The following LPIN1 variants were observed in gnomAD, a reference collection of about 807,000 sequenced individuals.
LPIN1 encodes the protein phosphatidate phosphatase LPIN1.
LPIN1 carries 71 observed loss-of-function variants against 107.5 expected under a neutral mutation model. The observed-to-expected ratio is 0.66, with a 90% CI of 0.55 to 0.80. The LOEUF (loss-of-function observed/expected upper bound fraction) is 0.80. Ranked by LOEUF, LPIN1 falls within the 30% of genes least tolerant of loss-of-function variation. The pLI is 0.00. For missense variants in LPIN1, 1,043 were observed against 1,160.6 expected, an observed-to-expected ratio of 0.90 and a Z score of 1.47; for synonymous variants, 445 against 452.6, an observed-to-expected ratio of 0.98 and a Z score of 0.21.
intron 2 of LPIN1, among the ~76,000 whole-genome samples, chr2:11,767,166 C>T (rs1671048387): frequency 6.6e-6 from 1 of 152,172 alleles, no homozygotes; most frequent in African/African-American, 2.4e-5. Flanking sequence ...CATGCCCCCA[C>T]CTAATGTGGA....
chr2:11,823,926 C>A (rs1362834930), intron 20 of LPIN1, among the ~76,000 whole-genome samples: 1 of 152,128 alleles, frequency 6.6e-6, no homozygotes, highest in East Asian at 1.9e-4. Context: ...TTACAGCAAG[C>A]AGGAGAGCCC....
intron 2 of LPIN1, among the ~76,000 whole-genome samples, chr2:11,714,698 T>G (rs1228373059): frequency 6.6e-6 from 1 of 152,156 alleles, no homozygotes; most frequent in Non-Finnish European, 1.5e-5. Context: ...AGAGGGGCTG[T>G]GGAATGATCC....
At chr2:11,784,139 A>G in intron 9 of LPIN1, 1 of 810,900 alleles carries the variant, frequency 1.2e-6, no homozygotes, top group African/African-American at 1.8e-5. Context: ...TCCTCGTTCT[A>G]CTGAAAATAC....
At chr2:11,792,357 T>C in intron 13 of LPIN1, 1 of 227,058 alleles carries the variant, frequency 4.4e-6, no homozygotes, top group Non-Finnish European at 8.9e-6. Flanking sequence ...TGGAGACAAT[T>C]TTTCTTTTTC....
rs190541373 is a variant in LPIN1 at position 11,732,492 on chromosome 2, C to T, written c.-72+7953C>T. ...TTGTTTTCTGTGTGACATGTGTTTC[C>T]GCATCAGGTTGTAGAAATAATAATA... On this transcript the variant is annotated intron_variant, in intron 1 of 21. Transcript: ENST00000396097. Among the ~76,000 whole-genome samples, 509 of 152,246 alleles carry T rather than the reference C, an allele frequency of 3.3e-3. 2 individuals carry two copies. The highest frequency in any genetic ancestry group is 3.2e-3 in the Non-Finnish European group (216 of 68,030).
intron 1 of LPIN1, 25 bp downstream of exon 1, chr2:11,746,696 C>A (rs1666984254): frequency 2.0e-6 from 2 of 981,564 alleles, no homozygotes; most frequent in South Asian, 4.7e-5. Context: ...CCTCCAGCCT[C>A]CCGCTGTGGA....
intron 1 of LPIN1, chr2:11,683,177 CTG>C (rs1661815847): frequency 6.6e-6 from 1 of 152,216 alleles, no homozygotes; most frequent in African/African-American, 2.4e-5. Flanking sequence ...ACTCTGCAAA[CTG>C]TGGTGCGCCC....
At position 11,805,124 on chromosome 2, in the gene LPIN1, G is replaced by A. The variant is rs139756103; in HGVS notation, c.2217G>A (p.Gln739=). The change falls in exon 17 of 21, where the codon CAG becomes CAA. Residue 739 remains glutamine (Q), a synonymous_variant. Transcript: ENST00000674199. The stretch of plus-strand genomic sequence containing the variant: ...CCCTTGGGAAGGATTGGACCCATCA[G>A]GGCATCGCTAAGCTGTACCATAAAG... The part of the protein sequence containing the change: ...LPTLGKDWTH[Q]GIAKLYHKVS... 6 of 1,613,896 alleles carry A rather than the reference G, an allele frequency of 3.7e-6. No individual in the cohort carries two copies. In the African/African-American group the frequency reaches 6.7e-5, roughly 18 times the overall value.
intron 1 of LPIN1, among the ~76,000 whole-genome samples, chr2:11,755,384 C>T (rs1327476858): frequency 6.6e-6 from 1 of 152,074 alleles, no homozygotes; most frequent in Non-Finnish European, 1.5e-5. Flanking sequence ...GTGATGGGAC[C>T]AAAAATAAAA....
At position 11,786,077 on chromosome 2, in the gene LPIN1, G is replaced by A. The variant is rs1674525008; in HGVS notation, c.1550-997G>A. 6.6e-6 allele frequency among the ~76,000 whole-genome samples: 1 copy of A among 152,106 alleles called. No individual in the cohort carries two copies. On this transcript the variant is annotated intron_variant, in intron 10 of 20. Coordinates refer to ENST00000674199, the MANE Select transcript of LPIN1 (RefSeq NM_001349206.2). This position sits in a 1 kb window ranked among gnomAD's most constrained non-coding sequence, Gnocchi z 4.1. ...ATGAGCTGGTGGGGGTGGGGTGGCA[G>A]CACTGACAAGGCTGGGCACCGTTAT...
chr2:11,720,702 AGCCAGGTCAGCAGTGGCT>A (rs1664067295), upstream of LPIN1, among the ~76,000 whole-genome samples: 1 of 152,006 alleles, frequency 6.6e-6, no homozygotes, highest in South Asian at 2.1e-4. Flanking sequence ...GAAATGGTGG[AGCCAGGTCAGCAGTGGCT>A]GCCGACATGT....
At chr2:11,756,484 G>A (rs1388258440) in intron 1 of LPIN1, among the ~76,000 whole-genome samples, 2 of 152,094 alleles carry the variant, frequency 1.3e-5, no homozygotes, top group East Asian at 3.8e-4. Context: ...TGCCTCCTGG[G>A]TTCAAGCAAT....
intron 2 of LPIN1, among the ~76,000 whole-genome samples, chr2:11,715,030 G>A (rs1663640881): frequency 6.6e-6 from 1 of 152,246 alleles, no homozygotes; most frequent in South Asian, 2.1e-4. Flanking sequence ...CAGGGACTGG[G>A]GCCAAATGGA....
Position 11,795,390 on chromosome 2 carries a change from T to C in LPIN1, c.1807-18T>C. 2 of 1,610,182 alleles carry C rather than the reference T, an allele frequency of 1.2e-6. No homozygotes were observed. The highest frequency in any genetic ancestry group is 1.7e-5 in the Admixed American group (1 of 60,014). The stretch of plus-strand genomic sequence containing the variant: ...TCTCTGTGGTACTTCTGTGACTCTT[T>C]CTTTTCTTCTTTTCTAGGAAAGTAA... On this transcript the variant is annotated intron_variant, in intron 13 of 20. Transcript: ENST00000674199.
intron 17 of LPIN1, among the ~76,000 whole-genome samples, chr2:11,813,156 G>A (rs781578063): frequency 2.6e-5 from 4 of 152,190 alleles, no homozygotes; most frequent in Non-Finnish European, 4.4e-5. Context: ...TGGGGTCCAC[G>A]GTGAGCACGT....
intron 1 of LPIN1, among the ~76,000 whole-genome samples, chr2:11,732,254 C>T (rs543810600): frequency 2.6e-5 from 4 of 152,252 alleles, no homozygotes; most frequent in East Asian, 1.9e-4. Context: ...AATACTATTG[C>T]CATTTGTTAC....
intron 1 of LPIN1, among the ~76,000 whole-genome samples, chr2:11,705,792 A>C (rs550589921): frequency 1.8e-4 from 27 of 152,276 alleles, no homozygotes; most frequent in African/African-American, 6.3e-4. Context: ...TTTTATATTT[A>C]CTTCTAAAAG....
Position 11,771,405 on chromosome 2 carries a change from A to G in LPIN1, c.322A>G (p.Ile108Val). 6.2e-7 allele frequency: 1 copy of G among 1,614,200 alleles called. No individual in the cohort carries two copies. Among genetic ancestry groups the G allele is most frequent in the Non-Finnish European group, 8.5e-7 (1 of 1,180,024 alleles). The change falls in exon 4 of 21, where the codon ATC becomes GTC. Residue 108 changes from isoleucine (I) to valine (V), a missense_variant. Ile to Val is a conservative substitution (Grantham distance 29, BLOSUM62 3). Transcript: ENST00000674199. This position sits in a 1 kb window ranked among gnomAD's most constrained non-coding sequence, Gnocchi z 4.8. ...VIPMHLATSP[I>V]LSEGASRMEC... is the part of the protein sequence containing the mutation. ...CCCTATGCACCTGGCCACCTCCCCC[A>G]TCCTGTCAGAAGGAGCTTCGAGAAT...
At chr2:11,686,236 T>C (rs1661993110) in intron 1 of LPIN1, among the ~76,000 whole-genome samples, 1 of 152,152 alleles carries the variant, frequency 6.6e-6, no homozygotes, top group Non-Finnish European at 1.5e-5. Flanking sequence ...GCTTCATCAA[T>C]GTGCTGAGGA....
Sources: allele counts gnomAD v4.1 joint callset (sites outside exome capture counted in the v4.1 genomes callset), GRCh38; gene constraint gnomAD v4.1.1; non-coding constraint Gnocchi (gnomAD v3.1); transcripts MANE v1.5; gene names NCBI Gene and HGNC (gene_info 2026-07-23, HGNC 2026-07-21).